PCDHGB2: variants seen among roughly 807,000 people sequenced by gnomAD.
The protein encoded by PCDHGB2 is protocadherin gamma-B2.
PCDHGB2 carries 55 observed loss-of-function variants against 59.3 expected under a neutral mutation model. The ratio of observed to expected loss-of-function variants is 0.93; its 90% CI spans 0.75 to 1.16. The LOEUF is 1.16. Among genes scored for constraint, PCDHGB2 ranks in the 50% most tolerant of loss-of-function variants. The pLI, the probability that PCDHGB2 is intolerant of heterozygous loss-of-function variation, is 0.00. For missense variants in PCDHGB2, 1,228 were observed against 1,198.5 expected (o/e 1.02, Z -0.36); for synonymous variants, 516 against 512.0 (o/e 1.01, Z -0.11).
Position 141,361,602 on chromosome 5 carries a change from C to G in PCDHGB2, c.1467C>G (p.Tyr489Ter), listed in dbSNP as rs571629532. 6.2e-7 allele frequency: 1 copy of G among 1,613,936 alleles called. No homozygotes were observed. Among genetic ancestry groups the G allele is most frequent in the Non-Finnish European group, 8.5e-7 (1 of 1,179,916 alleles). The change falls in exon 1 of 4, where the codon TAC becomes TAG. Residue 489 changes from tyrosine (Y) to a stop codon, truncating the protein, a stop_gained. Coordinates refer to ENST00000522605, the MANE Select transcript of PCDHGB2 (RefSeq NM_018923.3). LOFTEE classifies it high-confidence loss of function. The part of the protein sequence containing the change: ...PDLGPSGQVS[Y>*]SIVASDLKPR... ...TGGGCCCCAGTGGCCAAGTTTCCTA[C>G]TCCATCGTAGCGAGCGACCTGAAGC...
In PCDHGB2 at chr5:141,419,435, C is replaced by A. The variant is rs2096382649; in HGVS notation, c.2421+56879C>A. The A allele has an allele frequency of 2.5e-6, 4 of 1,613,108 alleles. No individual in the cohort carries two copies. In the African/African-American group the frequency reaches 4.0e-5, roughly 16 times the overall value. ...GCGCGCCTTCGACCACGAGCAGCTG[C>A]GCACCTTCGAGCTCACGCTGCAGGC... is the stretch of plus-strand genomic sequence containing the variant. On this transcript the variant is annotated intron_variant, in intron 1 of 3. Transcript: ENST00000522605.
At chr5:141,459,303 T>C (rs1419156629) in intron 1 of PCDHGB2, among the ~76,000 whole-genome samples, 1 of 152,242 alleles carries the variant, frequency 6.6e-6, no homozygotes, top group Non-Finnish European at 1.5e-5. Context: ...CTATAACATA[T>C]ACTATTTTGT....
intron 1 of PCDHGB2, chr5:141,404,230 C>T: frequency 6.2e-7 from 1 of 1,613,836 alleles, no homozygotes; most frequent in Non-Finnish European, 8.5e-7. Context: ...CTGCAACAGA[C>T]AGAGGAACTC....
intron 1 of PCDHGB2, chr5:141,376,077 C>T (rs373865501): frequency 6.2e-7 from 1 of 1,613,380 alleles, no homozygotes; most frequent in Non-Finnish European, 8.5e-7. Flanking sequence ...GTGGCCGTGG[C>T]CGACAGGATC....
intron 1 of PCDHGB2, chr5:141,412,660 T>C (rs1337663720): frequency 6.6e-6 from 1 of 152,262 alleles, no homozygotes; most frequent in African/African-American, 2.4e-5. Flanking sequence ...ACCTAGACAC[T>C]AATATGACCT....
intron 1 of PCDHGB2, chr5:141,416,827 T>A (rs981344540): frequency 1.2e-4 from 18 of 152,268 alleles, no homozygotes; most frequent in African/African-American, 3.9e-4. Context: ...CCGAAGTTTC[T>A]CAAGACCCTT....
rs768907590 is a variant in PCDHGB2, at chr5:141,422,045, G to C, written c.2421+59489G>C. Reference sequence around the variant, plus strand: ...GTTAATGCAACGGATCCAGACGAGGGAATCAACGGGGAAGTAATGTATTCA... The same window carrying C: ...GTTAATGCAACGGATCCAGACGAGGCAATCAACGGGGAAGTAATGTATTCA... On this transcript the variant is annotated intron_variant, in intron 1 of 3. Transcript: ENST00000522605. 1.5e-5 allele frequency: 24 copies of C among 1,611,434 alleles called. No individual in the cohort carries two copies. The Admixed American group carries it at 3.9e-4, about 26-fold the overall frequency.
intron 1 of PCDHGB2, chr5:141,411,909 A>T (rs1176626028): frequency 6.6e-6 from 1 of 152,204 alleles, no homozygotes; most frequent in Non-Finnish European, 1.5e-5. Flanking sequence ...TTGCCTTTGC[A>T]CTCAGTCTCT....
chr5:141,506,896 T>C (rs1417106112), intron 3 of PCDHGB2, among the ~76,000 whole-genome samples: 3 of 152,158 alleles, frequency 2.0e-5, no homozygotes, highest in African/African-American at 7.2e-5. Flanking sequence ...CAAGAAGCAC[T>C]GTCATCACAC....
chr5:141,361,707 G>A lies in PCDHGB2; in HGVS notation c.1572G>A (p.Gln524=). Residue 524 remains glutamine (Q), a synonymous_variant, in exon 1 of 4, where the codon CAG becomes CAA. Transcript: ENST00000522605. ...VFAQRAFDHE[Q]LRAFELTLQA... is the part of the protein sequence containing the mutation. Reference sequence around the variant, plus strand: ...CGCAGCGCGCCTTCGATCATGAGCAGCTGCGCGCCTTCGAGCTCACACTGC... The same window carrying A: ...CGCAGCGCGCCTTCGATCATGAGCAACTGCGCGCCTTCGAGCTCACACTGC... The A allele has an allele frequency of 1.9e-6, 3 of 1,613,422 alleles. No individual in the cohort carries two copies. In the South Asian group the frequency reaches 3.3e-5, roughly 18 times the overall value.
Position 141,490,162 on chromosome 5 carries a change from A to C in PCDHGB2, c.2422-4645A>C. ...TGGGGCAATCCATGTGTTGGGTCCC[A>C]TAGACTTTGAGGAGTCACGTTTCTA... On this transcript the variant is annotated intron_variant, in intron 1 of 3. Coordinates refer to ENST00000522605, the MANE Select transcript of PCDHGB2 (RefSeq NM_018923.3). The surrounding 1 kb of genome is among the most constrained non-coding windows in gnomAD (Gnocchi z 5.4). The C allele has an allele frequency of 6.2e-7, 1 of 1,614,218 alleles. No individual in the cohort carries two copies. The highest frequency in any genetic ancestry group is 8.5e-7 in the Non-Finnish European group (1 of 1,180,028).
rs754747902 is a variant in PCDHGB2 at position 141,417,898 on chromosome 5, G to T, written c.2421+55342G>T. The T allele has an allele frequency of 5.5e-5, 87 of 1,579,262 alleles. 1 individual carries two copies. The South Asian group carries it at 7.8e-4, about 14-fold the overall frequency. The stretch of plus-strand genomic sequence containing the variant: ...GCGCGCAGAGGCGCCGGGCCGGCCC[G>T]CGGCAGGTACTATTTCCTTTGCTGC... On this transcript the variant is annotated intron_variant, in intron 1 of 3. Coordinates refer to ENST00000522605, the MANE Select transcript of PCDHGB2 (RefSeq NM_018923.3).
intron 1 of PCDHGB2, chr5:141,410,578 T>G: frequency 1.9e-6 from 3 of 1,610,984 alleles, no homozygotes; most frequent in Non-Finnish European, 2.5e-6. Context: ...TTCCACCTCA[T>G]GGTGGGGAGG....
At chr5:141,419,385 C>T (rs753470433) in intron 1 of PCDHGB2, 6 of 1,613,686 alleles carry the variant, frequency 3.7e-6, no homozygotes, top group Admixed American at 1.7e-5. Context: ...TCCGTGAGCG[C>T]GCAGAGCGGG....
At chr5:141,365,161 G>C in intron 1 of PCDHGB2, 1 of 1,613,928 alleles carries the variant, frequency 6.2e-7, no homozygotes, top group Admixed American at 1.7e-5. Context: ...ACGGGAAATT[G>C]ACCTACTCTT....
At chr5:141,465,152 G>C (rs1028596804) in intron 1 of PCDHGB2, among the ~76,000 whole-genome samples, 1 of 151,422 alleles carries the variant, frequency 6.6e-6, no homozygotes, top group African/African-American at 2.4e-5. Flanking sequence ...TATATGAAGG[G>C]ACTCTAAATG....
chr5:141,485,431 C>G lies in PCDHGB2; in HGVS notation c.2422-9376C>G, dbSNP rs1594481071. ...ATTTGGACAGCGGAGCCCTGCTCAT[C>G]AAGAACCCAATCGACCGAGAGGCAC... On this transcript the variant is annotated intron_variant, in intron 1 of 3. Coordinates refer to ENST00000522605, the MANE Select transcript of PCDHGB2 (RefSeq NM_018923.3). The surrounding 1 kb of genome is among the most constrained non-coding windows in gnomAD (Gnocchi z 5.7). 8.7e-6 allele frequency: 14 copies of G among 1,614,198 alleles called. No homozygotes were observed. Among genetic ancestry groups the G allele is most frequent in the Non-Finnish European group, 1.1e-5 (13 of 1,180,038 alleles).
intron 1 of PCDHGB2, chr5:141,419,440 C>T (rs368129873): frequency 1.9e-6 from 3 of 1,613,034 alleles, no homozygotes; most frequent in African/African-American, 2.7e-5. Context: ...AGCTGCGCAC[C>T]TTCGAGCTCA....
At chr5:141,374,580 C>T (rs745902303) in intron 1 of PCDHGB2, 1 of 1,613,706 alleles carries the variant, frequency 6.2e-7, no homozygotes, top group Non-Finnish European at 8.5e-7. Context: ...GGAATGAACT[C>T]CCTTCAGGGA....
Sources: allele counts gnomAD v4.1 joint callset (sites outside exome capture counted in the v4.1 genomes callset), GRCh38; gene constraint gnomAD v4.1.1; non-coding constraint Gnocchi (gnomAD v3.1); transcripts MANE v1.5; gene names NCBI Gene and HGNC (gene_info 2026-07-23, HGNC 2026-07-21).